The following ZFAT variants were observed in gnomAD, a reference collection of about 807,000 sequenced individuals.
The protein encoded by ZFAT is zinc finger and AT-hook domain containing, also known as zinc finger protein ZFAT.
A neutral mutation model predicts 117.7 loss-of-function variants in ZFAT; 64 were observed. That is an observed-to-expected ratio of 0.54 (90% CI 0.44 to 0.67). The LOEUF is 0.67. Among genes scored for constraint, ZFAT ranks in the 30% least tolerant of loss-of-function variants. The pLI, the probability that ZFAT is intolerant of heterozygous loss-of-function variation, is 0.00. For missense variants in ZFAT, 1,433 were observed against 1,584.5 expected (o/e 0.90, Z 1.62); for synonymous variants, 679 against 615.0 (o/e 1.10, Z -1.54).
chr8:134,703,564 T>G (rs533897504), intron 1 of ZFAT, among the ~76,000 whole-genome samples: 32 of 152,336 alleles, frequency 2.1e-4, no homozygotes, highest in Middle Eastern at 6.8e-3. Flanking sequence ...AGATGGCCAG[T>G]AGCACTAGGG....
chr8:134,655,990 G>T (rs1831579435), intron 2 of ZFAT, among the ~76,000 whole-genome samples: 2 of 152,182 alleles, frequency 1.3e-5, no homozygotes, highest in South Asian at 4.1e-4. Context: ...AAAGGCGGAG[G>T]TGACTAAACA....
In ZFAT at chr8:134,488,322, A is replaced by G. The variant is rs909529161; in HGVS notation, c.3493-9601T>C. 7.9e-5 allele frequency among the ~76,000 whole-genome samples: 12 copies of G among 152,336 alleles called. No individual in the cohort carries two copies. In the South Asian group the frequency reaches 2.1e-3, roughly 26 times the overall value. ...AGAAGATGGATAGAAAACAAGGCTAACATGGGGAACAGGTGTGAAAGGCCA... is the reference window on the plus strand; with the variant it reads ...AGAAGATGGATAGAAAACAAGGCTAGCATGGGGAACAGGTGTGAAAGGCCA... On this transcript the variant is annotated intron_variant, in intron 15 of 15. Transcript: ENST00000377838.
intron 1 of ZFAT, among the ~76,000 whole-genome samples, chr8:134,680,711 G>A (rs1315017185): frequency 6.6e-6 from 1 of 152,106 alleles, no homozygotes; most frequent in Non-Finnish European, 1.5e-5. Context: ...GTAACTATTA[G>A]GTTGGGATAA....
intron 15 of ZFAT, among the ~76,000 whole-genome samples, chr8:134,484,981 G>A (rs1178255974): frequency 6.6e-6 from 1 of 152,106 alleles, no homozygotes; most frequent in African/African-American, 2.4e-5. Flanking sequence ...TGATGATGAT[G>A]ATGGAGACAT....
chr8:134,680,645 C>T (rs1833030938), intron 1 of ZFAT, among the ~76,000 whole-genome samples: 2 of 152,092 alleles, frequency 1.3e-5, no homozygotes. Context: ...ACACAACACA[C>T]TGCACCGGCA....
the ZFAT span, among the ~76,000 whole-genome samples, chr8:134,778,167 A>C: frequency 1.3e-5 from 2 of 152,326 alleles, no homozygotes; most frequent in Admixed American, 1.3e-4. Flanking sequence ...AATTAATTAA[A>C]ACCACTTCCA....
chr8:134,764,494 T>A, the ZFAT span, among the ~76,000 whole-genome samples: 1 of 152,246 alleles, frequency 6.6e-6, no homozygotes, highest in East Asian at 1.9e-4. Flanking sequence ...ACTATGCAAA[T>A]ACAGTAAATA....
intron 1 of ZFAT, among the ~76,000 whole-genome samples, chr8:134,689,042 G>A (rs945479747): frequency 1.3e-5 from 2 of 152,174 alleles, no homozygotes; most frequent in African/African-American, 4.8e-5. Context: ...TGAGGTAGAA[G>A]GCAGGCAGGA....
chr8:134,773,756 G>A, the ZFAT span, among the ~76,000 whole-genome samples: 90 of 152,294 alleles, frequency 5.9e-4, 1 homozygote, highest in East Asian at 2.7e-3. Flanking sequence ...GTGGTGGGAA[G>A]AGCAAGAGAA....
At chr8:134,563,429 C>G (rs1412428187) in intron 11 of ZFAT, among the ~76,000 whole-genome samples, 1 of 152,198 alleles carries the variant, frequency 6.6e-6, no homozygotes, top group African/African-American at 2.4e-5. Flanking sequence ...ACCAGCAGAT[C>G]CCTCCGAGCC....
At chr8:134,789,324 A>G in the ZFAT span, among the ~76,000 whole-genome samples, 2 of 152,190 alleles carry the variant, frequency 1.3e-5, no homozygotes, top group African/African-American at 2.4e-5. Context: ...AATTCCACAG[A>G]TATTTTAAAC....
intron 3 of ZFAT, among the ~76,000 whole-genome samples, chr8:134,624,611 C>G (rs542265454): frequency 1.3e-5 from 2 of 151,932 alleles, no homozygotes; most frequent in Non-Finnish European, 2.9e-5. Flanking sequence ...GAGCCGAGGT[C>G]GCACCATTGC....
chr8:134,814,052 T>A, the ZFAT span, among the ~76,000 whole-genome samples: 1 of 152,078 alleles, frequency 6.6e-6, no homozygotes, highest in Non-Finnish European at 1.5e-5. Flanking sequence ...CAAAGGATAA[T>A]GTTTGGTTTT....
chr8:134,676,780 G>A (rs1220634008), intron 1 of ZFAT, among the ~76,000 whole-genome samples: 1 of 152,130 alleles, frequency 6.6e-6, no homozygotes. Context: ...TTAGAACTCA[G>A]GATTAAGAAA....
chr8:134,673,283 G>A (rs1196334883), intron 1 of ZFAT: 1 of 152,428 alleles, frequency 6.6e-6, no homozygotes, highest in Admixed American at 6.5e-5. Context: ...GAGTAGAGGA[G>A]TAAAAACACT....
At chr8:134,774,831 A>C in the ZFAT span, among the ~76,000 whole-genome samples, 6 of 152,130 alleles carry the variant, frequency 3.9e-5, no homozygotes, top group African/African-American at 1.4e-4. Flanking sequence ...TTTAGAACAC[A>C]GTCAGCCAGG....
chr8:134,797,540 T>C, the ZFAT span: 2 of 152,118 alleles, frequency 1.3e-5, no homozygotes, highest in Non-Finnish European at 1.5e-5. Flanking sequence ...GGAATGATTT[T>C]GAAACAAGCA....
At chr8:134,483,500 C>A (rs903947309) in intron 15 of ZFAT, among the ~76,000 whole-genome samples, 1 of 152,212 alleles carries the variant, frequency 6.6e-6, no homozygotes, top group Non-Finnish European at 1.5e-5. Flanking sequence ...CTCAACCACT[C>A]TCTTTGTTCA....
rs370573269 is a variant in ZFAT at position 134,532,869 on chromosome 8, G to C, written c.3080C>G (p.Thr1027Ser). The change falls in exon 12 of 16, where the codon ACC becomes AGC. Residue 1027 changes from threonine to serine, a missense_variant. This residue lies in a region of ZFAT where 503 missense variants were observed against 543.4 expected (regional missense o/e 0.93). Transcript: ENST00000377838. ...HPNEEYANVG[T>S]GELAAEVLIQ... ...GAGCACCTCCGCTGCCAGCTCCCCG[G>C]TGCCCACGTTGGCATACTCCTCATT... 7.6e-5 allele frequency: 122 copies of C among 1,609,836 alleles called. No homozygotes were observed. Among genetic ancestry groups the C allele is most frequent in the Non-Finnish European group, 1.0e-4 (118 of 1,178,138 alleles).
Sources: gnomAD v4.1 joint callset for allele counts (sites outside exome capture counted in the v4.1 genomes callset) on GRCh38, gnomAD v4.1.1 for gene constraint, gnomAD v4.1.1 regional missense constraint, MANE v1.5 for transcripts, NCBI Gene and HGNC (gene_info 2026-07-23, HGNC 2026-07-21) for gene names.